The following LRATD2 variants were observed in gnomAD, a reference collection of about 807,000 sequenced individuals.
The protein encoded by LRATD2 is protein LRATD2.
Under a neutral mutation model 12.0 loss-of-function variants are expected in LRATD2, and 10 were observed. That is an observed-to-expected ratio of 0.83 (90% confidence interval 0.51 to 1.41). The LOEUF (loss-of-function observed/expected upper bound fraction) is 1.41, where lower values mean the gene tolerates loss of function less well. Ranked by LOEUF, LRATD2 falls within the 40% of genes most tolerant of loss-of-function variation. The pLI, the probability that LRATD2 is intolerant of heterozygous loss-of-function variation, is 0.00. For synonymous variants in LRATD2, 220 were observed against 205.8 expected, an observed-to-expected ratio of 1.07 and a Z score of -0.59; for missense variants, 455 against 446.1, an observed-to-expected ratio of 1.02 and a Z score of -0.18.
At position 126,554,856 on chromosome 8, in the gene LRATD2, G is replaced by T. The variant is rs945520647; in HGVS notation, c.*1601C>A. ...TCCCAAGAGAGGAAAAAAAAAAAAA[G>T]ACGCCTCAAAATTCACTCAACTTTT... On this transcript the variant is annotated 3_prime_UTR_variant, in exon 2 of 2. Transcript: ENST00000304916. 3.4e-5 allele frequency: 5 copies of T among 145,580 alleles called. No homozygotes were observed. Among genetic ancestry groups the T allele is most frequent in the African/African-American group, 1.3e-4 (5 of 39,048 alleles). The allele number at this position is 145,580 out of a possible 1,614,324, so 9.0% of individuals were successfully genotyped here.
Position 126,557,694 on chromosome 8 carries a change from G to A in LRATD2, c.-96-209C>T, listed in dbSNP as rs138845309. 151 of 402,948 alleles carry A rather than the reference G, an allele frequency of 3.7e-4. No individual in the cohort carries two copies. The highest frequency in any genetic ancestry group is 3.0e-3 in the African/African-American group (140 of 47,294). The allele number at this position is 402,948 out of a possible 1,614,324, so 25.0% of individuals were successfully genotyped here. A position where few individuals can be genotyped will look rare whatever the true frequency, so the allele number is the denominator to read the frequency against. On this transcript the variant is annotated intron_variant, in intron 1 of 1. Transcript: ENST00000304916. This position sits in a 1 kb window ranked among gnomAD's most constrained non-coding sequence, Gnocchi z 5.3. ...CTGTTCTCCCTGTCCCCAGCCCTTC[G>A]CCTGGCCCTGGCAAAAGCCCATTGC... is the stretch of plus-strand genomic sequence containing the variant.
At position 126,556,506 on chromosome 8, in the gene LRATD2, G is replaced by A. The variant is rs765132100; in HGVS notation, c.884C>T (p.Pro295Leu). 66 of 1,593,002 alleles carry A rather than the reference G, an allele frequency of 4.1e-5. No individual in the cohort carries two copies. The highest frequency in any genetic ancestry group is 5.4e-5 in the Non-Finnish European group (63 of 1,171,310). ...CTCCTCCTCGGAGCTGGGCGCAGGGGGGCGCCCGGGAGGCGGCGTAGTCCG... is the reference window on the plus strand; with the variant it reads ...CTCCTCCTCGGAGCTGGGCGCAGGGAGGCGCCCGGGAGGCGGCGTAGTCCG... ...VARTTPPPGR[P>L]PAPSSEEEDG... The change falls in exon 2 of 2, where the codon CCC (proline) becomes CTC (leucine). Residue 295 changes from proline (P) to leucine (L), a missense_variant. Pro to Leu is a moderately conservative substitution (Grantham distance 98). Transcript: ENST00000304916. This position sits in a 1 kb window ranked among gnomAD's most constrained non-coding sequence, Gnocchi z 5.6.
Position 126,557,413 on chromosome 8 carries a change from C to A in LRATD2, c.-24G>T. The A allele has an allele frequency of 6.2e-7, 1 of 1,608,130 alleles. No individual in the cohort carries two copies. The highest frequency in any genetic ancestry group is 8.5e-7 in the Non-Finnish European group (1 of 1,178,526). ...ATCACGCTGCGGACACACGTTCACA[C>A]CGCCGCAAGGGGAGAAAGCGAAACC... On this transcript the variant is annotated 5_prime_UTR_variant, in exon 2 of 2. Coordinates refer to ENST00000304916, the MANE Select transcript of LRATD2 (RefSeq NM_174911.5). The surrounding 1 kb of genome is among the most constrained non-coding windows in gnomAD (Gnocchi z 5.3).
rs1282663777 is a variant in LRATD2, at chr8:126,553,361, T to G, written c.*3096A>C. ...ATTTGCTCAGGTAAGAAAATAGAAA[T>G]TTGTCTGCTTTCATTTAGCATACGT... On this transcript the variant is annotated 3_prime_UTR_variant, in exon 2 of 2. Coordinates refer to ENST00000304916, the MANE Select transcript of LRATD2 (RefSeq NM_174911.5). 1 of 152,642 alleles carries G rather than the reference T, an allele frequency of 6.6e-6. No homozygotes were observed. Among genetic ancestry groups the G allele is most frequent in the Non-Finnish European group, 1.5e-5 (1 of 68,048 alleles). The allele number at this position is 152,642 out of a possible 1,614,324, so 9.5% of individuals were successfully genotyped here. A position where few individuals can be genotyped will look rare whatever the true frequency, so the allele number is the denominator to read the frequency against.
rs1202179874 is a variant in LRATD2 at position 126,557,205 on chromosome 8, C to A, written c.185G>T (p.Gly62Val). The A allele has an allele frequency of 1.2e-6, 2 of 1,600,668 alleles. No homozygotes were observed. Among genetic ancestry groups the A allele is most frequent in the Non-Finnish European group, 1.7e-6 (2 of 1,174,462 alleles). ...QGPDGGGLPD[G>V]GDGPPPPQPQ... ...CTGGGGCGGCGGCGGCCCGTCCCCA[C>A]CGTCGGGCAAGCCGCCGCCATCTGG... Residue 62 changes from glycine (G) to valine (V), a missense_variant, in exon 2 of 2, where the codon GGT becomes GTT. Coordinates refer to ENST00000304916, the MANE Select transcript of LRATD2 (RefSeq NM_174911.5). This position sits in a 1 kb window ranked among gnomAD's most constrained non-coding sequence, Gnocchi z 5.3.
rs1199912300 is a variant in LRATD2 at position 126,557,799 on chromosome 8, GC to G, written c.-97+234del. The stretch of plus-strand genomic sequence containing the variant: ...AGAGGGAAGGAAAGAGAAACTTTAC[GC>G]CAATCCCCCCCCTCCTCTGCTAACT... On this transcript the variant is annotated intron_variant, in intron 1 of 1. Transcript: ENST00000304916. This position sits in a 1 kb window ranked among gnomAD's most constrained non-coding sequence, Gnocchi z 5.3. The G allele has an allele frequency of 5.3e-6, 1 of 187,902 alleles. No individual in the cohort carries two copies. Among genetic ancestry groups the G allele is most frequent in the Non-Finnish European group, 1.1e-5 (1 of 92,652 alleles). 11.6% of individuals were successfully genotyped at this position (187,902 alleles called of 1,614,324 possible). A position where few individuals can be genotyped will look rare whatever the true frequency, so the allele number is the denominator to read the frequency against.
At position 126,556,382 on chromosome 8, in the gene LRATD2, G is replaced by A; in HGVS notation, c.*75C>T. The A allele has an allele frequency of 1.4e-6, 2 of 1,440,402 alleles. No individual in the cohort carries two copies. Among genetic ancestry groups the A allele is most frequent in the South Asian group, 1.4e-5 (1 of 70,592 alleles). The allele number at this position is 1,440,402 out of a possible 1,614,324, so 89.2% of individuals were successfully genotyped here. A position where few individuals can be genotyped will look rare whatever the true frequency, so the allele number is the denominator to read the frequency against. ...GCCCAGACAGTGGCAAAAGAGGGAG[G>A]AAGAGAGGGAGAAAGGGAGCAGCGG... On this transcript the variant is annotated 3_prime_UTR_variant, in exon 2 of 2. Coordinates refer to ENST00000304916, the MANE Select transcript of LRATD2 (RefSeq NM_174911.5). The surrounding 1 kb of genome is among the most constrained non-coding windows in gnomAD (Gnocchi z 5.6).
At position 126,552,889 on chromosome 8, in the gene LRATD2, ATATTT is replaced by A. The variant is rs1372618831; in HGVS notation, c.*3563_*3567del. On this transcript the variant is annotated 3_prime_UTR_variant, in exon 2 of 2. Coordinates refer to ENST00000304916, the MANE Select transcript of LRATD2 (RefSeq NM_174911.5). ...CCATTCGATGACCATTATCACAACT[ATATTT>A]TATTCTAATTTATAAAACAAAAAAT... The A allele has an allele frequency of 2.6e-5, 4 of 152,634 alleles. No individual in the cohort carries two copies. The highest frequency in any genetic ancestry group is 5.9e-5 in the Non-Finnish European group (4 of 68,034). 9.5% of individuals were successfully genotyped at this position (152,634 alleles called of 1,614,324 possible). A position where few individuals can be genotyped will look rare whatever the true frequency, so the allele number is the denominator to read the frequency against.
In LRATD2 at chr8:126,555,251, A is replaced by G. The variant is rs1202562165; in HGVS notation, c.*1206T>C. 1.3e-5 allele frequency: 2 copies of G among 152,208 alleles called. No individual in the cohort carries two copies. Among genetic ancestry groups the G allele is most frequent in the Non-Finnish European group, 2.9e-5 (2 of 68,036 alleles). 9.4% of individuals were successfully genotyped at this position (152,208 alleles called of 1,614,324 possible). A position where few individuals can be genotyped will look rare whatever the true frequency, so the allele number is the denominator to read the frequency against. On this transcript the variant is annotated 3_prime_UTR_variant, in exon 2 of 2. Transcript: ENST00000304916. Reference sequence around the variant, plus strand: ...AATTGCATCAAGTGTGGATAGCAAAATAAGTATCTTACCATTGAAATATGT... The same window carrying G: ...AATTGCATCAAGTGTGGATAGCAAAGTAAGTATCTTACCATTGAAATATGT...
At position 126,552,749 on chromosome 8, in the gene LRATD2, C is replaced by T. The variant is rs1203664553; in HGVS notation, c.*3708G>A. The T allele has an allele frequency of 2.6e-5, 4 of 152,548 alleles. No homozygotes were observed. Among genetic ancestry groups the T allele is most frequent in the Non-Finnish European group, 5.9e-5 (4 of 68,026 alleles). 9.4% of individuals were successfully genotyped at this position (152,548 alleles called of 1,614,324 possible). A position where few individuals can be genotyped will look rare whatever the true frequency, so the allele number is the denominator to read the frequency against. On this transcript the variant is annotated 3_prime_UTR_variant, in exon 2 of 2. Transcript: ENST00000304916. ...ATTTATCCTGTTTGTCAACATAATT[C>T]TTCATGAGTCACAAGTATTATAGCC...
At position 126,555,159 on chromosome 8, in the gene LRATD2, CTCTGAAGGAGGTGT is replaced by C; in HGVS notation, c.*1284_*1297del. 1 of 152,300 alleles carries C rather than the reference CTCTGAAGGAGGTGT, an allele frequency of 6.6e-6. No homozygotes were observed. The highest frequency in any genetic ancestry group is 3.4e-3 in the Middle Eastern group (1 of 294). 9.4% of individuals were successfully genotyped at this position (152,300 alleles called of 1,614,324 possible). On this transcript the variant is annotated 3_prime_UTR_variant, in exon 2 of 2. Coordinates refer to ENST00000304916, the MANE Select transcript of LRATD2 (RefSeq NM_174911.5). Reference sequence around the variant, plus strand: ...GTCGCCCCTCTTATTTAACAAAGGGCTCTGAAGGAGGTGTTCTCCAAGCAACAAGGAGACTGCTT... The same window carrying C: ...GTCGCCCCTCTTATTTAACAAAGGGCTCTCCAAGCAACAAGGAGACTGCTT...
rs1817366720 is a variant in LRATD2 at position 126,555,485 on chromosome 8, T to C, written c.*972A>G. The C allele has an allele frequency of 6.6e-6, 1 of 152,590 alleles. No individual in the cohort carries two copies. Among genetic ancestry groups the C allele is most frequent in the African/African-American group, 2.4e-5 (1 of 41,442 alleles). 9.5% of individuals were successfully genotyped at this position (152,590 alleles called of 1,614,324 possible). A position where few individuals can be genotyped will look rare whatever the true frequency, so the allele number is the denominator to read the frequency against. Reference sequence around the variant, plus strand: ...CCTTTTTGGCTGCTTCCACAATAGATACTTTATGGAGTGGCACAGCCAACC... The same window carrying C: ...CCTTTTTGGCTGCTTCCACAATAGACACTTTATGGAGTGGCACAGCCAACC... On this transcript the variant is annotated 3_prime_UTR_variant, in exon 2 of 2. Coordinates refer to ENST00000304916, the MANE Select transcript of LRATD2 (RefSeq NM_174911.5).
At position 126,556,664 on chromosome 8, in the gene LRATD2, G is replaced by C. The variant is rs749183271; in HGVS notation, c.726C>G (p.Leu242=). 7 of 1,611,802 alleles carry C rather than the reference G, an allele frequency of 4.3e-6. No individual in the cohort carries two copies. The highest frequency in any genetic ancestry group is 1.7e-5 in the Admixed American group (1 of 59,874). ...TCAGGTCCTCTAGACTCTGGAACTC[G>C]AGCGTGTGGCTGCGCTGCGCCGACA... is the stretch of plus-strand genomic sequence containing the variant. ...IQLSAQRSHT[L]EFQSLEDLIM... The change falls in exon 2 of 2, where the codon CTC becomes CTG. Residue 242 remains leucine (L), a synonymous_variant. Coordinates refer to ENST00000304916, the MANE Select transcript of LRATD2 (RefSeq NM_174911.5). This position sits in a 1 kb window ranked among gnomAD's most constrained non-coding sequence, Gnocchi z 5.6.
rs1473643317 is a variant in LRATD2, at chr8:126,555,816, T to A, written c.*641A>T. 6.5e-6 allele frequency: 1 copy of A among 152,698 alleles called. No individual in the cohort carries two copies. Among genetic ancestry groups the A allele is most frequent in the African/African-American group, 2.4e-5 (1 of 41,462 alleles). The allele number at this position is 152,698 out of a possible 1,614,324, so 9.5% of individuals were successfully genotyped here. On this transcript the variant is annotated 3_prime_UTR_variant, in exon 2 of 2. Transcript: ENST00000304916. ...GGAGGGAGGTAGCAAAGTCTTTGTT[T>A]GTAGCCCGAGTTTGCTTAACTATTT...
In LRATD2 at chr8:126,556,250, T is replaced by A; in HGVS notation, c.*207A>T. On this transcript the variant is annotated 3_prime_UTR_variant, in exon 2 of 2. Coordinates refer to ENST00000304916, the MANE Select transcript of LRATD2 (RefSeq NM_174911.5). This position sits in a 1 kb window ranked among gnomAD's most constrained non-coding sequence, Gnocchi z 5.6. ...GAGGGAGACGCCCCCCACCCCCAAC[T>A]AAAGTGTTTCCTACCTGCTCCCTCT... 6 of 560,946 alleles carry A rather than the reference T, an allele frequency of 1.1e-5. No homozygotes were observed. The highest frequency in any genetic ancestry group is 1.0e-4 in the African/African-American group (5 of 49,824). The allele number at this position is 560,946 out of a possible 1,614,324, so 34.7% of individuals were successfully genotyped here. A position where few individuals can be genotyped will look rare whatever the true frequency, so the allele number is the denominator to read the frequency against.
rs1817347425 is a variant in LRATD2 at position 126,554,626 on chromosome 8, G to A, written c.*1831C>T. The stretch of plus-strand genomic sequence containing the variant: ...CCCTTTCATGTTGAGGTGCTACAAA[G>A]GTCCAAGCTTTTAAAGACTATGGCC... On this transcript the variant is annotated 3_prime_UTR_variant, in exon 2 of 2. Coordinates refer to ENST00000304916, the MANE Select transcript of LRATD2 (RefSeq NM_174911.5). 1 of 152,168 alleles carries A rather than the reference G, an allele frequency of 6.6e-6. No homozygotes were observed. Among genetic ancestry groups the A allele is most frequent in the Admixed American group, 6.5e-5 (1 of 15,276 alleles). 9.4% of individuals were successfully genotyped at this position (152,168 alleles called of 1,614,324 possible). A position where few individuals can be genotyped will look rare whatever the true frequency, so the allele number is the denominator to read the frequency against.
Position 126,552,480 on chromosome 8 carries a change from C to A in LRATD2, c.*3977G>T, listed in dbSNP as rs1449208023. 1 of 152,590 alleles carries A rather than the reference C, an allele frequency of 6.6e-6. No individual in the cohort carries two copies. The highest frequency in any genetic ancestry group is 1.9e-4 in the East Asian group (1 of 5,196). 9.5% of individuals were successfully genotyped at this position (152,590 alleles called of 1,614,324 possible). A position where few individuals can be genotyped will look rare whatever the true frequency, so the allele number is the denominator to read the frequency against. ...GATGGTTTATTGGAAACGCTCATAG[C>A]ATCTTTTGAAAAGAACTTGACAGGT... On this transcript the variant is annotated 3_prime_UTR_variant, in exon 2 of 2. Transcript: ENST00000304916.
rs898626694 is a variant in LRATD2, at chr8:126,557,805, C to T, written c.-97+229G>A. 3 of 176,316 alleles carry T rather than the reference C, an allele frequency of 1.7e-5. No homozygotes were observed. The highest frequency in any genetic ancestry group is 1.3e-4 in the South Asian group (1 of 7,440). 10.9% of individuals were successfully genotyped at this position (176,316 alleles called of 1,614,324 possible). ...AAGGAAAGAGAAACTTTACGCCAATCCCCCCCCTCCTCTGCTAACTTCCCC... is the reference window on the plus strand; with the variant it reads ...AAGGAAAGAGAAACTTTACGCCAATTCCCCCCCTCCTCTGCTAACTTCCCC... On this transcript the variant is annotated intron_variant, in intron 1 of 1. Transcript: ENST00000304916. The surrounding 1 kb of genome is among the most constrained non-coding windows in gnomAD (Gnocchi z 5.3).
chr8:126,556,887 T>C lies in LRATD2; in HGVS notation c.503A>G (p.Asn168Ser). ...ASQGRRGRVV[N>S]DLYRYKPLSS... ...TAGCGGCTTGTAGCGGTACAGATCGTTGACCACGCGGCCGCGACGGCCCTG... is the reference window on the plus strand; with the variant it reads ...TAGCGGCTTGTAGCGGTACAGATCGCTGACCACGCGGCCGCGACGGCCCTG... Residue 168 changes from asparagine to serine, a missense_variant, in exon 2 of 2, where the codon AAC becomes AGC. Physicochemically the swap from Asn to Ser is conservative, Grantham distance 46 (BLOSUM62 1). Coordinates refer to ENST00000304916, the MANE Select transcript of LRATD2 (RefSeq NM_174911.5). The surrounding 1 kb of genome is among the most constrained non-coding windows in gnomAD (Gnocchi z 5.6). 1.2e-6 allele frequency: 2 copies of C among 1,607,792 alleles called. No individual in the cohort carries two copies. Among genetic ancestry groups the C allele is most frequent in the Middle Eastern group, 1.7e-4 (1 of 6,056 alleles).
Sources: gnomAD v4.1 joint callset for allele counts on GRCh38, gnomAD v4.1.1 for gene constraint, Gnocchi (gnomAD v3.1) non-coding constraint, MANE v1.5 for transcripts, NCBI Gene and HGNC (gene_info 2026-07-23, HGNC 2026-07-21) for gene names.